The following SMIM1 variants were observed in gnomAD, a reference collection of about 807,000 sequenced individuals.
SMIM1 encodes small integral membrane protein 1 (Vel blood group).
A neutral mutation model predicts 7.7 loss-of-function variants in SMIM1; 7 were observed. That is an observed-to-expected ratio of 0.91 (90% CI 0.52 to 1.71). SMIM1 has a LOEUF of 1.71. Among genes scored for constraint, SMIM1 ranks in the 40% most tolerant of loss-of-function variants. SMIM1 has a pLI of 0.00. For synonymous variants in SMIM1, 41 were observed against 42.7 expected (o/e 0.96, Z 0.16); for missense variants, 95 against 102.8 (o/e 0.92, Z 0.33).
rs1643398246 is a variant in SMIM1 at position 3,772,797 on chromosome 1, C to G, written c.-195+9C>G. 1.3e-5 allele frequency: 2 copies of G among 152,324 alleles called. No individual in the cohort carries two copies. 9.4% of individuals were successfully genotyped at this position (152,324 alleles called of 1,614,324 possible). On this transcript the variant is annotated intron_variant, in intron 1 of 3. Coordinates refer to ENST00000642557, the MANE Select transcript of SMIM1 (RefSeq NM_001288583.2). ...GAGACGCGGGGACACAGGTGAGGCG[C>G]GCGGGGTCCGGGCTGCGGCTTCCCG...
rs1370308789 is a variant in SMIM1, at chr1:3,775,442, A to G, written c.69A>G (p.Leu23=). 2.6e-6 allele frequency: 4 copies of G among 1,511,692 alleles called. No individual in the cohort carries two copies. In the African/African-American group the frequency reaches 5.5e-5, roughly 21 times the overall value. The allele number at this position is 1,511,692 out of a possible 1,614,324, so 93.6% of individuals were successfully genotyped here. ...ACGGCAGCAGGGACGGAGTCAGCCTAGGGGCTGTGTCCAGCACAGAAGAGG... is the reference window on the plus strand; with the variant it reads ...ACGGCAGCAGGGACGGAGTCAGCCTGGGGGCTGTGTCCAGCACAGAAGAGG... ...WEDGSRDGVS[L]GAVSSTEEAS... Residue 23 remains leucine, a synonymous_variant, in exon 3 of 4, where the codon CTA becomes CTG. Coordinates refer to ENST00000642557, the MANE Select transcript of SMIM1 (RefSeq NM_001288583.2). The surrounding 1 kb of genome is among the most constrained non-coding windows in gnomAD (Gnocchi z 5.3).
Position 3,775,264 on chromosome 1 carries a change from T to G in SMIM1, c.-75-35T>G. The stretch of plus-strand genomic sequence containing the variant: ...CTCCTAACAGCAGCCTCAGAGGGGG[T>G]CTTGACTGCCGCCCTCCATCCGCTT... On this transcript the variant is annotated intron_variant, in intron 2 of 3. Coordinates refer to ENST00000642557, the MANE Select transcript of SMIM1 (RefSeq NM_001288583.2). This position sits in a 1 kb window ranked among gnomAD's most constrained non-coding sequence, Gnocchi z 5.3. The G allele has an allele frequency of 9.9e-6, 7 of 708,074 alleles. No individual in the cohort carries two copies. The highest frequency in any genetic ancestry group is 1.6e-5 in the Non-Finnish European group (7 of 446,500). 43.9% of individuals were successfully genotyped at this position (708,074 alleles called of 1,614,324 possible).
At position 3,775,478 on chromosome 1, in the gene SMIM1, C is replaced by T. The variant is rs752880866; in HGVS notation, c.105C>T (p.Cys35=). 1 of 1,549,322 alleles carries T rather than the reference C, an allele frequency of 6.5e-7. No homozygotes were observed. The highest frequency in any genetic ancestry group is 1.2e-5 in the South Asian group (1 of 83,962). The part of the protein sequence containing the change: ...AVSSTEEASR[C]RRISQRLCTG... ...CCAGCACAGAAGAGGCCTCACGCTG[C>T]CGCAGGTGAGGGGCCTGAGGGCAGC... is the stretch of plus-strand genomic sequence containing the variant. Residue 35 remains cysteine (C), a synonymous_variant, in exon 3 of 4, where the codon TGC becomes TGT. Coordinates refer to ENST00000642557, the MANE Select transcript of SMIM1 (RefSeq NM_001288583.2). The surrounding 1 kb of genome is among the most constrained non-coding windows in gnomAD (Gnocchi z 5.3).
chr1:3,775,895 GGCTACTATGT>G lies in SMIM1; in HGVS notation c.214_223del (p.Tyr72ThrfsTer?). On this transcript the variant is annotated frameshift_variant, in exon 4 of 4. Transcript: ENST00000642557. LOFTEE classifies it high-confidence loss of function. This position sits in a 1 kb window ranked among gnomAD's most constrained non-coding sequence, Gnocchi z 5.3. ...CATCTTCATCCTGGGCTACCTCACAGGCTACTATGTGCACAAGTGCAAATAAATGCTGCCC... is the reference window on the plus strand; with the variant it reads ...CATCTTCATCCTGGGCTACCTCACAGGCACAAGTGCAAATAAATGCTGCCC... The G allele has an allele frequency of 6.4e-7, 1 of 1,550,542 alleles. No individual in the cohort carries two copies. Among genetic ancestry groups the G allele is most frequent in the Non-Finnish European group, 8.7e-7 (1 of 1,146,928 alleles).
rs1252909527 is a variant in SMIM1, at chr1:3,775,805, A to G, written c.121A>G (p.Arg41Gly). ...EASRCRRISQ[R>G]LCTGKLGIAM... The stretch of plus-strand genomic sequence containing the variant: ...TGGTTCTCACCCCAGGATCTCCCAG[A>G]GGCTGTGCACGGGCAAGCTGGGCAT... Residue 41 changes from arginine to glycine, a missense_variant, in exon 4 of 4, where the codon AGG becomes GGG. By Grantham distance (125) the Arg-to-Gly change is moderately radical. Transcript: ENST00000642557. The surrounding 1 kb of genome is among the most constrained non-coding windows in gnomAD (Gnocchi z 5.3). 2 of 1,550,394 alleles carry G rather than the reference A, an allele frequency of 1.3e-6. No homozygotes were observed. The highest frequency in any genetic ancestry group is 1.7e-6 in the Non-Finnish European group (2 of 1,146,882).
In SMIM1 at chr1:3,775,598, G is replaced by A. The variant is rs980787397; in HGVS notation, c.110+115G>A. ...ACCCTCCACCCCATCCTGGCTGGGA[G>A]CCCACGGTCCAGCAGCTCAGCAAAC... On this transcript the variant is annotated intron_variant, in intron 3 of 3. Coordinates refer to ENST00000642557, the MANE Select transcript of SMIM1 (RefSeq NM_001288583.2). This position sits in a 1 kb window ranked among gnomAD's most constrained non-coding sequence, Gnocchi z 5.3. 7.8e-7 allele frequency: 1 copy of A among 1,281,354 alleles called. No homozygotes were observed. The highest frequency in any genetic ancestry group is 1.1e-6 in the Non-Finnish European group (1 of 943,602). The allele number at this position is 1,281,354 out of a possible 1,614,324, so 79.4% of individuals were successfully genotyped here. A position where few individuals can be genotyped will look rare whatever the true frequency, so the allele number is the denominator to read the frequency against.
At chr1:3,774,230 C>G (rs914280502) in intron 2 of SMIM1, among the ~76,000 whole-genome samples, 1 of 152,146 alleles carries the variant, frequency 6.6e-6, no homozygotes, top group African/African-American at 2.4e-5. Flanking sequence ...CCCGAGGACC[C>G]CACTCCTGGG....
chr1:3,775,951 G>C lies in SMIM1; in HGVS notation c.*30G>C, dbSNP rs1643453102. On this transcript the variant is annotated 3_prime_UTR_variant, in exon 4 of 4. Transcript: ENST00000642557. The surrounding 1 kb of genome is among the most constrained non-coding windows in gnomAD (Gnocchi z 5.3). ...TGCCCCGCATGCACGCGGGGGGCTG[G>C]CCGCACACGTGAGAGCACAGGCCTG... is the stretch of plus-strand genomic sequence containing the variant. The C allele has an allele frequency of 1.9e-6, 3 of 1,541,686 alleles. No homozygotes were observed. Among genetic ancestry groups the C allele is most frequent in the Admixed American group, 2.0e-5 (1 of 50,776 alleles).
chr1:3,775,135 G>A lies in SMIM1; in HGVS notation c.-75-164G>A, dbSNP rs946831261. ...AATTCTCGCTTGGTCCCATCCTCCC[G>A]GCCTGACCCTGGGCAAATGACTCTA... On this transcript the variant is annotated intron_variant, in intron 2 of 3. Transcript: ENST00000642557. This position sits in a 1 kb window ranked among gnomAD's most constrained non-coding sequence, Gnocchi z 5.3. Among the ~76,000 whole-genome samples, 5 of 152,064 alleles carry A rather than the reference G, an allele frequency of 3.3e-5. No individual in the cohort carries two copies. Among genetic ancestry groups the A allele is most frequent in the Non-Finnish European group, 5.9e-5 (4 of 68,006 alleles).
chr1:3,774,953 C>T (rs1472316294), intron 2 of SMIM1, among the ~76,000 whole-genome samples: 1 of 147,436 alleles, frequency 6.8e-6, no homozygotes, highest in Non-Finnish European at 1.5e-5. Flanking sequence ...TTATCAGGGG[C>T]TGCAGCCTAG....
At chr1:3,774,161 C>T (rs555971910) in intron 2 of SMIM1, among the ~76,000 whole-genome samples, 2 of 152,090 alleles carry the variant, frequency 1.3e-5, no homozygotes, top group Admixed American at 6.5e-5. Flanking sequence ...CAGCCTTCCC[C>T]GCTGGAGGGG....
At position 3,775,660 on chromosome 1, in the gene SMIM1, G is replaced by A. The variant is rs907967872; in HGVS notation, c.111-135G>A. 9.7e-5 allele frequency: 133 copies of A among 1,364,448 alleles called. 1 individual carries two copies. Among genetic ancestry groups the A allele is most frequent in the Non-Finnish European group, 1.2e-4 (122 of 1,027,800 alleles). 84.5% of individuals were successfully genotyped at this position (1,364,448 alleles called of 1,614,324 possible). A position where few individuals can be genotyped will look rare whatever the true frequency, so the allele number is the denominator to read the frequency against. On this transcript the variant is annotated intron_variant, in intron 3 of 3. Coordinates refer to ENST00000642557, the MANE Select transcript of SMIM1 (RefSeq NM_001288583.2). This position sits in a 1 kb window ranked among gnomAD's most constrained non-coding sequence, Gnocchi z 5.3. Reference sequence around the variant, plus strand: ...GCCTTCCCTCTGGTTGGCTGTGGGCGGGGAGAGCTTCCTCTTGACTCCAGC... The same window carrying A: ...GCCTTCCCTCTGGTTGGCTGTGGGCAGGGAGAGCTTCCTCTTGACTCCAGC...
Position 3,775,364 on chromosome 1 carries a change from G to A in SMIM1, c.-10G>A, listed in dbSNP as rs1339444466. The A allele has an allele frequency of 1.9e-6, 3 of 1,544,762 alleles. No homozygotes were observed. The highest frequency in any genetic ancestry group is 2.6e-6 in the Non-Finnish European group (3 of 1,143,326). On this transcript the variant is annotated 5_prime_UTR_variant, in exon 3 of 4. Transcript: ENST00000642557. This position sits in a 1 kb window ranked among gnomAD's most constrained non-coding sequence, Gnocchi z 5.3. ...AGAAGGCCCCGCCCCTCCCGCTGCA[G>A]CCCCACAGCATGCAGCCCCAGGAGA...
intron 2 of SMIM1, among the ~76,000 whole-genome samples, chr1:3,774,807 C>T (rs1643432543): frequency 6.6e-6 from 1 of 152,182 alleles, no homozygotes; most frequent in Non-Finnish European, 1.5e-5. Flanking sequence ...GCCACGCATC[C>T]TCCCCAGACA....
In SMIM1 at chr1:3,775,446, G is replaced by A. The variant is rs1297749756; in HGVS notation, c.73G>A (p.Ala25Thr). The A allele has an allele frequency of 1.3e-6, 2 of 1,511,800 alleles. No individual in the cohort carries two copies. The highest frequency in any genetic ancestry group is 1.4e-5 in the African/African-American group (1 of 72,674). 93.6% of individuals were successfully genotyped at this position (1,511,800 alleles called of 1,614,324 possible). A position where few individuals can be genotyped will look rare whatever the true frequency, so the allele number is the denominator to read the frequency against. The change falls in exon 3 of 4, where the codon GCT becomes ACT. Residue 25 changes from alanine (A) to threonine (T), a missense_variant. Ala to Thr is a moderately conservative substitution (Grantham distance 58, BLOSUM62 0). Coordinates refer to ENST00000642557, the MANE Select transcript of SMIM1 (RefSeq NM_001288583.2). This position sits in a 1 kb window ranked among gnomAD's most constrained non-coding sequence, Gnocchi z 5.3. ...CAGCAGGGACGGAGTCAGCCTAGGG[G>A]CTGTGTCCAGCACAGAAGAGGCCTC... Reference protein sequence around the residue: ...DGSRDGVSLGAVSSTEEASRC... With the variant: ...DGSRDGVSLGTVSSTEEASRC...
intron 2 of SMIM1, among the ~76,000 whole-genome samples, chr1:3,774,780 G>T (rs1326916631): frequency 6.6e-6 from 1 of 152,072 alleles, no homozygotes; most frequent in African/African-American, 2.4e-5. Context: ...CACAGCTGCT[G>T]CCACTGCCTG....
At position 3,775,836 on chromosome 1, in the gene SMIM1, T is replaced by G. The variant is rs1182690110; in HGVS notation, c.152T>G (p.Met51Arg). The change falls in exon 4 of 4, where the codon ATG (methionine) becomes AGG (arginine). Residue 51 changes from methionine to arginine, a missense_variant. Coordinates refer to ENST00000642557, the MANE Select transcript of SMIM1 (RefSeq NM_001288583.2). The surrounding 1 kb of genome is among the most constrained non-coding windows in gnomAD (Gnocchi z 5.3). Reference sequence around the variant, plus strand: ...TGCACGGGCAAGCTGGGCATCGCCATGAAGGTGCTGGGCGGCGTGGCCCTC... The same window carrying G: ...TGCACGGGCAAGCTGGGCATCGCCAGGAAGGTGCTGGGCGGCGTGGCCCTC... ...RLCTGKLGIAMKVLGGVALFW... is the reference protein window; with the variant it reads ...RLCTGKLGIARKVLGGVALFW... 5.8e-6 allele frequency: 9 copies of G among 1,550,956 alleles called. No individual in the cohort carries two copies. The highest frequency in any genetic ancestry group is 7.8e-6 in the Non-Finnish European group (9 of 1,146,916).
Position 3,775,874 on chromosome 1 carries a change from T to G in SMIM1, c.190T>G (p.Phe64Val). The G allele has an allele frequency of 6.4e-7, 1 of 1,550,892 alleles. No homozygotes were observed. ...LGGVALFWII[F>V]ILGYLTGYYV... ...CGGCGTGGCCCTCTTCTGGATCATC[T>G]TCATCCTGGGCTACCTCACAGGCTA... Residue 64 changes from phenylalanine (F) to valine (V), a missense_variant, in exon 4 of 4, where the codon TTC becomes GTC. By Grantham distance (50) the Phe-to-Val change is conservative. Transcript: ENST00000642557. This position sits in a 1 kb window ranked among gnomAD's most constrained non-coding sequence, Gnocchi z 5.3.
chr1:3,775,273 C>A lies in SMIM1; in HGVS notation c.-75-26C>A. ...GCAGCCTCAGAGGGGGTCTTGACTG[C>A]CGCCCTCCATCCGCTTGTTTTACAG... On this transcript the variant is annotated intron_variant, in intron 2 of 3. Transcript: ENST00000642557. The surrounding 1 kb of genome is among the most constrained non-coding windows in gnomAD (Gnocchi z 5.3). The A allele has an allele frequency of 1.2e-6, 1 of 847,936 alleles. No individual in the cohort carries two copies. Among genetic ancestry groups the A allele is most frequent in the Non-Finnish European group, 1.8e-6 (1 of 558,098 alleles). The allele number at this position is 847,936 out of a possible 1,614,324, so 52.5% of individuals were successfully genotyped here.
Sources: gnomAD v4.1 joint callset for allele counts (sites outside exome capture counted in the v4.1 genomes callset) on GRCh38, gnomAD v4.1.1 for gene constraint, Gnocchi (gnomAD v3.1) non-coding constraint, MANE v1.5 for transcripts, NCBI Gene and HGNC (gene_info 2026-07-23, HGNC 2026-07-21) for gene names.